The following ASMT variants were observed in gnomAD, a reference collection of about 807,000 sequenced individuals.
The protein encoded by ASMT is acetylserotonin O-methyltransferase.
Under a neutral mutation model 41.3 loss-of-function variants are expected in ASMT, and 53 were observed. The observed-to-expected ratio is 1.28, with a 90% CI of 1.03 to 1.61. ASMT has a LOEUF of 1.61. Ranked by LOEUF, ASMT falls within the 40% of genes most tolerant of loss-of-function variation. The pLI is 0.00. For missense variants in ASMT, 531 were observed against 441.3 expected, an observed-to-expected ratio of 1.20 and a Z score of -1.82; for synonymous variants, 231 against 184.8, an observed-to-expected ratio of 1.25 and a Z score of -2.03.
chrX:1,629,805 T>C lies in ASMT; in HGVS notation c.444-16T>C. 1 of 1,612,484 alleles carries C rather than the reference T, an allele frequency of 6.2e-7. No homozygotes were observed. Among genetic ancestry groups the C allele is most frequent in the South Asian group, 1.1e-5 (1 of 91,048 alleles). On this transcript the variant is annotated splice_polypyrimidine_tract_variant and intron_variant, in intron 4 of 8. Transcript: ENST00000381241. ...CAGATCCTCACCATCTTGACAAGCG[T>C]GGTTTTGCATGCCAGGTCCGAGGGC...
At chrX:1,636,775 C>G (rs1283078563) in intron 8 of ASMT, among the ~76,000 whole-genome samples, 2 of 152,230 alleles carry the variant, frequency 1.3e-5, no homozygotes, top group Admixed American at 6.5e-5. Context: ...GTGAAAGGCC[C>G]TCTGAAACTT....
rs7341937 is a variant in ASMT, at chrX:1,631,863, C to T, written c.563-841C>T. Among the ~76,000 whole-genome samples, 198 of 152,158 alleles carry T rather than the reference C, an allele frequency of 1.3e-3. 1 individual carries two copies. Among genetic ancestry groups the T allele is most frequent in the Non-Finnish European group, 1.9e-3 (129 of 68,000 alleles). ...AGGAGTTTGAGACCAGCCTGACCAACGGGGTGAAACCCGGTCTCTACTAAA... is the reference window on the plus strand; with the variant it reads ...AGGAGTTTGAGACCAGCCTGACCAATGGGGTGAAACCCGGTCTCTACTAAA... On this transcript the variant is annotated intron_variant, in intron 5 of 8. Transcript: ENST00000381241.
intron 7 of ASMT, among the ~76,000 whole-genome samples, chrX:1,634,919 C>T (rs769601643): frequency 6.6e-6 from 1 of 151,660 alleles, no homozygotes; most frequent in Non-Finnish European, 1.5e-5. Flanking sequence ...CCTGCCTCGG[C>T]CTCCCAAAGT....
Position 1,629,229 on chromosome X carries a change from C to A in ASMT, c.444-592C>A, listed in dbSNP as rs532174839. ...GTGTGCCCATCACCTGAATAGTGAC[C>A]GTGGTACCTAAGAGGCAATTTTTCA... is the stretch of plus-strand genomic sequence containing the variant. On this transcript the variant is annotated intron_variant, in intron 4 of 8. Coordinates refer to ENST00000381241, the MANE Select transcript of ASMT (RefSeq NM_001171038.2). 5.9e-5 allele frequency among the ~76,000 whole-genome samples: 9 copies of A among 152,244 alleles called. No homozygotes were observed. In the South Asian group the frequency reaches 1.9e-3, roughly 32 times the overall value.
intron 8 of ASMT, among the ~76,000 whole-genome samples, chrX:1,642,554 A>T (rs1206037162): frequency 6.8e-6 from 1 of 147,934 alleles, no homozygotes; most frequent in African/African-American, 2.5e-5. Context: ...TGTGAGGTCC[A>T]TCCATCCTGA....
chrX:1,620,499 C>T (rs1278505416), intron 1 of ASMT, among the ~76,000 whole-genome samples: 2 of 151,928 alleles, frequency 1.3e-5, no homozygotes, highest in African/African-American at 4.8e-5. Context: ...GGAGCTAATA[C>T]AAGCTTAGAA....
chrX:1,641,666 G>C (rs1376334741), intron 8 of ASMT, among the ~76,000 whole-genome samples: 5 of 147,348 alleles, frequency 3.4e-5, no homozygotes, highest in Non-Finnish European at 6.0e-5. Flanking sequence ...TGGTCCATGA[G>C]TACATGGACA....
chrX:1,633,756 A>G (rs28684612), intron 7 of ASMT, among the ~76,000 whole-genome samples: 49,430 of 150,558 alleles, frequency 0.33, 8,956 homozygotes, highest in African/African-American at 0.53. Context: ...CTCCTGCCTC[A>G]GCCTCCCAAG....
chrX:1,624,167 T>C, intron 2 of ASMT, 102 bp from the exon 3 acceptor site: 3 of 1,454,886 alleles, frequency 2.1e-6, no homozygotes, highest in South Asian at 2.3e-5. Context: ...GAGATGGGCT[T>C]GTAATCATGT....
At chrX:1,642,524 G>A (rs1296907282) in intron 8 of ASMT, among the ~76,000 whole-genome samples, 24 of 150,764 alleles carry the variant, frequency 1.6e-4, no homozygotes, top group African/African-American at 4.6e-4. Context: ...TGTGTGATGG[G>A]GACGGTGTCC....
intron 5 of ASMT, 44 bp downstream of exon 5, chrX:1,629,983 T>C (rs1456960554): frequency 6.8e-7 from 1 of 1,468,214 alleles, no homozygotes; most frequent in East Asian, 2.3e-5. Context: ...GTGGCTTCTG[T>C]TCTGTATGGG....
rs1935248763 is a variant in ASMT at position 1,643,006 on chromosome X, A to G, written c.1114A>G (p.Arg372Gly). The G allele has an allele frequency of 1.9e-6, 3 of 1,613,832 alleles. No individual in the cohort carries two copies. The African/African-American group carries it at 4.0e-5, about 22-fold the overall frequency. ...TGAIYDAILA[R>G]K ...AGCCATTTATGATGCCATTTTAGCC[A>G]GGAAATAACTGTTTCTTGTGACCTG... is the stretch of plus-strand genomic sequence containing the variant. The change falls in exon 9 of 9, where the codon AGG (arginine) becomes GGG (glycine). Residue 372 changes from arginine to glycine, a missense_variant. Transcript: ENST00000381241.
At chrX:1,625,165 C>T (rs28562798) in intron 3 of ASMT, among the ~76,000 whole-genome samples, 2,355 of 146,402 alleles carry the variant, frequency 0.016, 67 homozygotes, top group African/African-American at 0.056. Flanking sequence ...AGCGCAGTGG[C>T]GCCATCTCGG....
chrX:1,642,664 GGC>G, intron 8 of ASMT, 137 bp from the exon 9 acceptor site: 1 of 770,926 alleles, frequency 1.3e-6, no homozygotes. Flanking sequence ...TGAGGACGTG[GGC>G]ACAGCCTCTG....
intron 1 of ASMT, 116 bp from the exon 2 acceptor site, chrX:1,623,023 A>G: frequency 2.1e-6 from 2 of 933,788 alleles, no homozygotes; most frequent in Non-Finnish European, 3.2e-6. Flanking sequence ...ATAAATGAAT[A>G]AGAATATAAA....
At chrX:1,621,680 T>G (rs1934342229) in intron 1 of ASMT, among the ~76,000 whole-genome samples, 1 of 151,806 alleles carries the variant, frequency 6.6e-6, no homozygotes, top group Non-Finnish European at 1.5e-5. Context: ...CTGCTTTATT[T>G]TATTTTTATA....
In ASMT at chrX:1,640,467, A is replaced by G. The variant is rs755195536; in HGVS notation, c.911-2336A>G. 2.5e-3 allele frequency among the ~76,000 whole-genome samples: 96 copies of G among 38,870 alleles called. 1 individual carries two copies. The South Asian group carries it at 0.047, about 19-fold the overall frequency. 25.5% of individuals were successfully genotyped at this position (38,870 alleles called of 152,430 possible). On this transcript the variant is annotated intron_variant, in intron 8 of 8. Coordinates refer to ENST00000381241, the MANE Select transcript of ASMT (RefSeq NM_001171038.2). ...AGCCTCTGTGTGTGAGATAGGGACC[A>G]TGTCCCAGCTCTCCTGTGAGGTCCA...
Position 1,615,127 on chromosome X carries a change from T to G in ASMT, c.-73T>G. 7.0e-7 allele frequency: 1 copy of G among 1,425,858 alleles called. No homozygotes were observed. The highest frequency in any genetic ancestry group is 9.7e-7 in the Non-Finnish European group (1 of 1,031,810). 88.3% of individuals were successfully genotyped at this position (1,425,858 alleles called of 1,614,324 possible). On this transcript the variant is annotated 5_prime_UTR_variant, in exon 1 of 9. Coordinates refer to ENST00000381241, the MANE Select transcript of ASMT (RefSeq NM_001171038.2). ...GTGAGCGGGTGGCTCTTCCCCACCT[T>G]GCCAGCAGGCTCTGTGCTCCTTGAA...
chrX:1,616,056 TCTCA>T (rs1458017754), intron 1 of ASMT, among the ~76,000 whole-genome samples: 1 of 151,564 alleles, frequency 6.6e-6, no homozygotes, highest in Admixed American at 6.6e-5. Flanking sequence ...TGAGCTGGAG[TCTCA>T]CTCTGTAACC....
Sources: gnomAD v4.1 joint callset for allele counts (sites outside exome capture counted in the v4.1 genomes callset) on GRCh38, gnomAD v4.1.1 for gene constraint, MANE v1.5 for transcripts, NCBI Gene and HGNC (gene_info 2026-07-23, HGNC 2026-07-21) for gene names.